AGT: variants seen among roughly 807,000 people sequenced by gnomAD.
AGT encodes angiotensinogen.
AGT carries 26 observed loss-of-function variants against 28.1 expected under a neutral mutation model. The observed-to-expected ratio is 0.92, with a 90% CI of 0.68 to 1.28. The LOEUF is 1.28. Ranked by LOEUF, AGT falls within the 50% of genes most tolerant of loss-of-function variation. AGT has a pLI of 0.00. For synonymous variants in AGT, 259 were observed against 259.6 expected (o/e 1.00, Z 0.02); for missense variants, 596 against 592.3 (o/e 1.01, Z -0.06).
In AGT at chr1:230,706,245, A is replaced by G. The variant is rs1312344523; in HGVS notation, c.830-45T>C. 1.9e-6 allele frequency: 3 copies of G among 1,602,040 alleles called. 1 individual carries two copies. Among genetic ancestry groups the G allele is most frequent in the Admixed American group, 3.4e-5 (2 of 59,672 alleles). On this transcript the variant is annotated intron_variant, in intron 2 of 4. Coordinates refer to ENST00000366667, the MANE Select transcript of AGT (RefSeq NM_001384479.1). ...CAGGGAGGGAAGAGTCACCCAAGAC[A>G]GGGGCAGGAATGAGGGCTGGCAGAC...
Position 230,710,214 on chromosome 1 carries a change from T to C in AGT, c.610A>G (p.Thr204Ala), listed in dbSNP as rs1663535927. Residue 204 changes from threonine (T) to alanine (A), a missense_variant, in exon 2 of 5, where the codon ACA becomes GCA. By Grantham distance (58) the Thr-to-Ala change is moderately conservative. Coordinates refer to ENST00000366667, the MANE Select transcript of AGT (RefSeq NM_001384479.1). The part of the protein sequence containing the change: ...LLLSTVVGVF[T>A]APGLHLKQPF... Reference sequence around the variant, plus strand: ...TGCTTCAGGTGCAGGCCTGGGGCTGTGAACACGCCCACCACCGTGGACAGC... The same window carrying C: ...TGCTTCAGGTGCAGGCCTGGGGCTGCGAACACGCCCACCACCGTGGACAGC... 1 of 1,613,540 alleles carries C rather than the reference T, an allele frequency of 6.2e-7. No individual in the cohort carries two copies. The highest frequency in any genetic ancestry group is 1.3e-5 in the African/African-American group (1 of 74,922).
intron 2 of AGT, among the ~76,000 whole-genome samples, chr1:230,709,584 T>C (rs2102789969): frequency 6.6e-6 from 1 of 152,300 alleles, no homozygotes; most frequent in Admixed American, 6.5e-5. Context: ...GATATGAACC[T>C]GACCCTTCTG....
intron 1 of AGT, among the ~76,000 whole-genome samples, chr1:230,728,209 G>A (rs2102801401): frequency 6.6e-6 from 1 of 152,282 alleles, no homozygotes; most frequent in East Asian, 1.9e-4. Context: ...GCCAATTTTA[G>A]GGTCTAGAGT....
upstream of AGT, among the ~76,000 whole-genome samples, chr1:230,716,789 A>G (rs975654200): frequency 6.6e-6 from 1 of 152,006 alleles, no homozygotes; most frequent in Non-Finnish European, 1.5e-5. Context: ...AGTCTCTGGT[A>G]TGTCTTTATT....
At chr1:230,709,950 G>T (rs746577419) in intron 2 of AGT, 45 bp downstream of exon 2, 11 of 1,613,324 alleles carry the variant, frequency 6.8e-6, no homozygotes, top group Non-Finnish European at 9.3e-6. Context: ...CTACACATTG[G>T]ATACTAAGTC....
chr1:230,708,461 CG>C (rs1663457978), intron 2 of AGT, among the ~76,000 whole-genome samples: 1 of 152,168 alleles, frequency 6.6e-6, no homozygotes, highest in African/African-American at 2.4e-5. Flanking sequence ...GGGCAACCCT[CG>C]GGCTGGCCTC....
chr1:230,715,564 A>C (rs1571980134), upstream of AGT, among the ~76,000 whole-genome samples: 2 of 152,152 alleles, frequency 1.3e-5, no homozygotes, highest in East Asian at 3.8e-4. Context: ...AGACCATTCA[A>C]AGTGCTCCTG....
At chr1:230,731,340 C>T (rs1320977131) in intron 1 of AGT, among the ~76,000 whole-genome samples, 1 of 152,224 alleles carries the variant, frequency 6.6e-6, no homozygotes, top group Non-Finnish European at 1.5e-5. Flanking sequence ...AGCCCCCTTC[C>T]ATCTGTTATC....
chr1:230,717,961 G>C (rs1222022227), upstream of AGT, among the ~76,000 whole-genome samples: 1 of 152,144 alleles, frequency 6.6e-6, no homozygotes, highest in Non-Finnish European at 1.5e-5. Context: ...AGAAATGGCT[G>C]TATTTTTGTG....
chr1:230,735,914 T>C (rs1664146547), intron 1 of AGT, among the ~76,000 whole-genome samples: 1 of 152,184 alleles, frequency 6.6e-6, no homozygotes, highest in Non-Finnish European at 1.5e-5. Context: ...CTCCTCCAAT[T>C]GCCCCATTCA....
upstream of AGT, among the ~76,000 whole-genome samples, chr1:230,718,211 T>G (rs1048984088): frequency 2.0e-5 from 3 of 152,148 alleles, no homozygotes; most frequent in African/African-American, 7.2e-5. Context: ...TCCCAAAGTG[T>G]TGGGATTACA....
chr1:230,732,285 G>A (rs1664083139), intron 1 of AGT, among the ~76,000 whole-genome samples: 1 of 152,048 alleles, frequency 6.6e-6, no homozygotes, highest in Non-Finnish European at 1.5e-5. Context: ...ATACGCATGA[G>A]CCACCGAGCC....
In AGT at chr1:230,704,481, C is replaced by G. The variant is rs1571973441; in HGVS notation, c.1098-144G>C. 5.3e-6 allele frequency: 6 copies of G among 1,137,726 alleles called. 1 individual carries two copies. In the Admixed American group the frequency reaches 1.2e-4, roughly 23 times the overall value. The allele number at this position is 1,137,726 out of a possible 1,614,324, so 70.5% of individuals were successfully genotyped here. A position where few individuals can be genotyped will look rare whatever the true frequency, so the allele number is the denominator to read the frequency against. ...CATCACCCAACTAAGTCATCCTCCC[C>G]CTTGGGGAAAATTTCAGCAAAACCT... On this transcript the variant is annotated intron_variant, in intron 3 of 4. Transcript: ENST00000366667.
intron 1 of AGT, among the ~76,000 whole-genome samples, chr1:230,725,364 A>G (rs1663921471): frequency 6.6e-6 from 1 of 152,162 alleles, no homozygotes; most frequent in Admixed American, 6.5e-5. Context: ...AGAGGGAAGG[A>G]CCATGAAAGT....
upstream of AGT, among the ~76,000 whole-genome samples, chr1:230,716,888 G>T (rs1432755771): frequency 2.0e-5 from 3 of 151,938 alleles, no homozygotes; most frequent in African/African-American, 7.2e-5. Flanking sequence ...TATTAGTCAG[G>T]CAGGTGCTAT....
At chr1:230,732,148 AT>A (rs1175297467) in intron 1 of AGT, among the ~76,000 whole-genome samples, 1 of 151,944 alleles carries the variant, frequency 6.6e-6, no homozygotes, top group Non-Finnish European at 1.5e-5. Context: ...AGAAAGCATT[AT>A]TTTTTGTTGT....
At chr1:230,732,453 A>G (rs983737909) in intron 1 of AGT, among the ~76,000 whole-genome samples, 1 of 152,056 alleles carries the variant, frequency 6.6e-6, no homozygotes, top group African/African-American at 2.4e-5. Flanking sequence ...GGTGAACTAC[A>G]GTTGATCCTT....
At chr1:230,705,773 TAGAC>T (rs1407711084) in intron 3 of AGT, among the ~76,000 whole-genome samples, 156 bp downstream of exon 3, 1 of 152,114 alleles carries the variant, frequency 6.6e-6, no homozygotes, top group African/African-American at 2.4e-5. Flanking sequence ...AGAGGACTGG[TAGAC>T]AGACACACAG....
chr1:230,710,066 T>C lies in AGT; in HGVS notation c.758A>G (p.Lys253Arg), dbSNP rs769423281. Residue 253 changes from lysine to arginine, a missense_variant, in exon 2 of 5, where the codon AAG becomes AGG. Coordinates refer to ENST00000366667, the MANE Select transcript of AGT (RefSeq NM_001384479.1). Reference sequence around the variant, plus strand: ...GGCTCCCATCAGGGAGCAGCCAGTCTTCCATCCTGTCACAGCCTGCATGAA... The same window carrying C: ...GGCTCCCATCAGGGAGCAGCCAGTCCTCCATCCTGTCACAGCCTGCATGAA... ...DRFMQAVTGW[K>R]TGCSLMGASV... 3 of 1,614,204 alleles carry C rather than the reference T, an allele frequency of 1.9e-6. No individual in the cohort carries two copies. In the South Asian group the frequency reaches 3.3e-5, roughly 18 times the overall value.
Sources: allele counts gnomAD v4.1 joint callset (sites outside exome capture counted in the v4.1 genomes callset), GRCh38; gene constraint gnomAD v4.1.1; transcripts MANE v1.5; gene names NCBI Gene and HGNC (gene_info 2026-07-23, HGNC 2026-07-21).